Variants in NBAS observed in about 807,000 individuals in gnomAD.
NBAS encodes the protein NBAS subunit of NRZ tethering complex, also known as NAG/BC035112 fusion.
Under a neutral mutation model 302.5 loss-of-function variants are expected in NBAS, and 219 were observed. The observed-to-expected ratio is 0.72, with a 90% CI of 0.65 to 0.81. NBAS has a LOEUF of 0.81. Ranked by LOEUF, NBAS falls within the 30% of genes least tolerant of loss-of-function variation. The probability of loss-of-function intolerance (pLI) is 0.00; values close to 1 mark genes in which losing one functional copy is unlikely to be tolerated. For missense variants in NBAS, 2,932 were observed against 2,841.6 expected, an observed-to-expected ratio of 1.03 and a Z score of -0.72; for synonymous variants, 1,118 against 1,021.6, an observed-to-expected ratio of 1.09 and a Z score of -1.80.
At chr2:15,224,302 G>A (rs1025737152) in intron 47 of NBAS, among the ~76,000 whole-genome samples, 1 of 152,194 alleles carries the variant, frequency 6.6e-6, no homozygotes, top group Non-Finnish European at 1.5e-5. Flanking sequence ...ATATAAATAA[G>A]CGAATCTTCA....
At chr2:15,391,210 G>C (rs1240229010) in intron 28 of NBAS, among the ~76,000 whole-genome samples, 1 of 152,178 alleles carries the variant, frequency 6.6e-6, no homozygotes, top group Middle Eastern at 3.4e-3. Flanking sequence ...GGGTATCACA[G>C]ATGTTAGAAA....
At chr2:15,134,127 T>A in the NBAS span, among the ~76,000 whole-genome samples, 1 of 150,740 alleles carries the variant, frequency 6.6e-6, no homozygotes, top group African/African-American at 2.4e-5. Flanking sequence ...CAAATTCACA[T>A]GTTGAAATGT....
the NBAS span, among the ~76,000 whole-genome samples, chr2:15,096,570 C>T: frequency 6.6e-6 from 1 of 152,174 alleles, no homozygotes; most frequent in African/African-American, 2.4e-5. Context: ...AGGGCACTTC[C>T]CAAATGCAAC....
At chr2:14,855,728 T>C in the NBAS span, among the ~76,000 whole-genome samples, 2 of 152,270 alleles carry the variant, frequency 1.3e-5, no homozygotes, top group East Asian at 3.9e-4. Context: ...CCTTGTGTTG[T>C]TTGACTGCCA....
At chr2:15,055,638 C>T in the NBAS span, among the ~76,000 whole-genome samples, 1 of 152,112 alleles carries the variant, frequency 6.6e-6, no homozygotes, top group Non-Finnish European at 1.5e-5. Context: ...AGAACCTGAG[C>T]CTGGAGCAGC....
At chr2:15,148,695 T>A in the NBAS span, among the ~76,000 whole-genome samples, 38 of 152,300 alleles carry the variant, frequency 2.5e-4, no homozygotes, top group East Asian at 3.9e-4. Flanking sequence ...ATAATTTTTT[T>A]AAAAAATTGA....
At chr2:15,120,792 G>A in the NBAS span, among the ~76,000 whole-genome samples, 3 of 152,216 alleles carry the variant, frequency 2.0e-5, no homozygotes, top group Non-Finnish European at 2.9e-5. Flanking sequence ...ATGTGTGGGC[G>A]AGAACACAGC....
intron 12 of NBAS, among the ~76,000 whole-genome samples, chr2:15,484,137 CCT>C (rs1360633787): frequency 6.6e-6 from 1 of 152,146 alleles, no homozygotes; most frequent in Admixed American, 6.6e-5. Flanking sequence ...CTGTATTACA[CCT>C]CTCAGTTATT....
intron 9 of NBAS, among the ~76,000 whole-genome samples, chr2:15,527,231 T>C (rs1662953884): frequency 6.6e-6 from 1 of 152,184 alleles, no homozygotes. Flanking sequence ...TTATTCAAGG[T>C]GTCCTCAGAG....
Position 15,539,332 on chromosome 2 carries a change from C to T in NBAS, c.404G>A (p.Trp135Ter), listed in dbSNP as rs886869251. Residue 135 changes from tryptophan (W) to a stop codon, truncating the protein, a stop_gained, in exon 7 of 52, where the codon TGG becomes TAG. Coordinates refer to ENST00000281513, the MANE Select transcript of NBAS (RefSeq NM_015909.4). LOFTEE classifies it high-confidence loss of function. ...ATCGTAACTCCATGCTACCCGTCTC[C>T]ACTGGGGTTTCGGGTCTTTCGGAAC... ...CQVPKDPKPQ[W>*]RRVAWSYDCT... The T allele has an allele frequency of 8.1e-6, 13 of 1,614,108 alleles. No homozygotes were observed. The highest frequency in any genetic ancestry group is 1.0e-5 in the Non-Finnish European group (12 of 1,180,058).
At chr2:15,070,268 C>T in the NBAS span, among the ~76,000 whole-genome samples, 1 of 152,140 alleles carries the variant, frequency 6.6e-6, no homozygotes, top group East Asian at 1.9e-4. Flanking sequence ...AATGCTGATG[C>T]CCCTAATGTG....
At chr2:15,429,806 T>C (rs1366967121) in intron 21 of NBAS, among the ~76,000 whole-genome samples, 2 of 152,202 alleles carry the variant, frequency 1.3e-5, no homozygotes, top group Non-Finnish European at 2.9e-5. Flanking sequence ...ATCATACAAA[T>C]GATGATTTAG....
chr2:15,105,922 A>T, the NBAS span, among the ~76,000 whole-genome samples: 12 of 152,138 alleles, frequency 7.9e-5, no homozygotes, highest in Non-Finnish European at 1.6e-4. Context: ...TATTTCAGAG[A>T]TTACGATTCC....
At chr2:15,245,962 G>A (rs2147968915) in intron 44 of NBAS, among the ~76,000 whole-genome samples, 1 of 152,204 alleles carries the variant, frequency 6.6e-6, no homozygotes, top group South Asian at 2.1e-4. Flanking sequence ...TGACCTGTGG[G>A]CCATCATTTT....
chr2:15,317,900 C>T (rs1349957087), intron 38 of NBAS, among the ~76,000 whole-genome samples: 1 of 152,066 alleles, frequency 6.6e-6, no homozygotes, highest in Non-Finnish European at 1.5e-5. Flanking sequence ...ACAGAAAACA[C>T]CACAAAGAGA....
chr2:15,124,218 T>G, the NBAS span, among the ~76,000 whole-genome samples: 1 of 152,124 alleles, frequency 6.6e-6, no homozygotes, highest in Non-Finnish European at 1.5e-5. Flanking sequence ...TGGTACCCAG[T>G]GGAAGAAATT....
At chr2:15,405,112 A>G (rs1003813775) in intron 25 of NBAS, among the ~76,000 whole-genome samples, 4 of 152,166 alleles carry the variant, frequency 2.6e-5, no homozygotes, top group Non-Finnish European at 5.9e-5. Flanking sequence ...ATGTCTTGCC[A>G]TGTCTAAAAC....
intron 9 of NBAS, among the ~76,000 whole-genome samples, chr2:15,528,192 G>A (rs1054992898): frequency 5.9e-5 from 9 of 151,424 alleles, no homozygotes; most frequent in East Asian, 1.9e-4. Context: ...CATCATATCC[G>A]GATTGTATCC....
chr2:15,251,583 C>A (rs1572528965), intron 44 of NBAS, among the ~76,000 whole-genome samples: 1 of 152,272 alleles, frequency 6.6e-6, no homozygotes, highest in Admixed American at 6.5e-5. Context: ...ATGGTTATTT[C>A]TTGATGATAT....
Sources: allele counts gnomAD v4.1 joint callset (sites outside exome capture counted in the v4.1 genomes callset), GRCh38; gene constraint gnomAD v4.1.1; transcripts MANE v1.5; gene names NCBI Gene and HGNC (gene_info 2026-07-23, HGNC 2026-07-21).